Variants in DOCK5 observed in about 807,000 individuals in gnomAD.
DOCK5 encodes dedicator of cytokinesis 5, also known as dedicator of cytokinesis protein 5.
DOCK5 carries 142 observed loss-of-function variants against 251.8 expected under a neutral mutation model. The observed-to-expected ratio is 0.56, with a 90% CI of 0.49 to 0.65. DOCK5 has a LOEUF of 0.65. DOCK5 is among the 30% of genes least tolerant of loss of function. DOCK5 has a pLI of 0.00. For missense variants in DOCK5, 2,111 were observed against 2,312.3 expected, an observed-to-expected ratio of 0.91 and a Z score of 1.79; for synonymous variants, 842 against 835.5, an observed-to-expected ratio of 1.01 and a Z score of -0.13.
At chr8:25,359,755 T>G (rs561207078) in intron 28 of DOCK5, among the ~76,000 whole-genome samples, 21 of 152,352 alleles carry the variant, frequency 1.4e-4, no homozygotes, top group African/African-American at 5.0e-4. Flanking sequence ...AAAATTGTCT[T>G]TCCTGAAACC....
intron 50 of DOCK5, 95 bp downstream of exon 50, chr8:25,409,035 G>A (rs1014829094): frequency 1.3e-6 from 2 of 1,540,836 alleles, no homozygotes; most frequent in Non-Finnish European, 1.8e-6. Flanking sequence ...CAGAATGTAT[G>A]TAAGACCATT....
chr8:25,265,873 A>G (rs1305174442), intron 2 of DOCK5, among the ~76,000 whole-genome samples: 1 of 151,862 alleles, frequency 6.6e-6, no homozygotes, highest in Non-Finnish European at 1.5e-5. Flanking sequence ...AATAATTTTG[A>G]CAGTGGAATT....
chr8:25,235,362 G>T (rs1002676711), intron 1 of DOCK5, among the ~76,000 whole-genome samples: 1 of 152,112 alleles, frequency 6.6e-6, no homozygotes, highest in African/African-American at 2.4e-5. Flanking sequence ...CTGGGCTCAA[G>T]CGATCCTCCC....
At chr8:25,379,130 C>T (rs754696899) in intron 38 of DOCK5, among the ~76,000 whole-genome samples, 5 of 152,108 alleles carry the variant, frequency 3.3e-5, no homozygotes, top group South Asian at 4.1e-4. Flanking sequence ...CAGCGGTGCA[C>T]GTATAGTCTT....
chr8:25,283,562 G>A (rs1157431651), intron 5 of DOCK5, among the ~76,000 whole-genome samples: 1 of 152,178 alleles, frequency 6.6e-6, no homozygotes, highest in Non-Finnish European at 1.5e-5. Flanking sequence ...TGCTTTTGAT[G>A]TTATCTTAGC....
chr8:25,205,594 AT>A (rs1380171766), intron 1 of DOCK5, among the ~76,000 whole-genome samples: 4 of 152,196 alleles, frequency 2.6e-5, no homozygotes, highest in African/African-American at 9.6e-5. Flanking sequence ...AGGGATTTGA[AT>A]CTAGTGAAAG....
At chr8:25,338,486 G>T (rs970148949) in intron 22 of DOCK5, among the ~76,000 whole-genome samples, 21 of 151,804 alleles carry the variant, frequency 1.4e-4, no homozygotes, top group African/African-American at 5.1e-4. Context: ...ATTTTTAAAT[G>T]AATATGTACC....
Position 25,196,117 on chromosome 8 carries a change from G to T in DOCK5, c.43+11166G>T, listed in dbSNP as rs200995339. ...GCAAAAGATTACGTGAATCCTGTGG[G>T]GTGGGTGAGGACTTAGAATCATAAA... On this transcript the variant is annotated intron_variant, in intron 1 of 51. Transcript: ENST00000276440. Among the ~76,000 whole-genome samples the T allele has an allele frequency of 9.2e-5, 14 of 152,334 alleles. No homozygotes were observed. In the East Asian group the frequency reaches 2.7e-3, roughly 29 times the overall value.
At chr8:25,207,711 G>A (rs571344654) in intron 1 of DOCK5, among the ~76,000 whole-genome samples, 1 of 152,322 alleles carries the variant, frequency 6.6e-6, no homozygotes, top group East Asian at 1.9e-4. Flanking sequence ...CATTGACAAT[G>A]CACCAGGTCA....
intron 4 of DOCK5, among the ~76,000 whole-genome samples, chr8:25,278,132 G>T (rs913833491): frequency 2.0e-5 from 3 of 152,092 alleles, no homozygotes; most frequent in African/African-American, 7.2e-5. Context: ...CCTGGCCTCT[G>T]CCCCAACCAG....
Position 25,210,072 on chromosome 8 carries a change from CTGTCTATT to C in DOCK5, c.43+25123_43+25130del, listed in dbSNP as rs1193043187. Among the ~76,000 whole-genome samples the C allele has an allele frequency of 9.6e-5, 2 of 20,730 alleles. 1 individual carries two copies. The highest frequency in any genetic ancestry group is 1.4e-3 in the Admixed American group (2 of 1,476). 13.6% of individuals were successfully genotyped at this position (20,730 alleles called of 152,430 possible). On this transcript the variant is annotated intron_variant, in intron 1 of 51. Transcript: ENST00000276440. ...TGTGTGTGTGTGTGTGTGTGTGTAT[CTGTCTATT>C]TATCTATCTATCTATCTATCTATCT...
chr8:25,238,588 C>A (rs1563319955), intron 1 of DOCK5, among the ~76,000 whole-genome samples: 1 of 152,178 alleles, frequency 6.6e-6, no homozygotes, highest in Non-Finnish European at 1.5e-5. Context: ...GTGCTTCTAA[C>A]ATGAATCTCT....
intron 11 of DOCK5, among the ~76,000 whole-genome samples, chr8:25,307,905 G>C (rs945861643): frequency 6.6e-6 from 1 of 152,178 alleles, no homozygotes; most frequent in Non-Finnish European, 1.5e-5. Context: ...TTTTCCAGTA[G>C]GAGAGTGTTG....
chr8:25,394,943 G>A (rs7836337), intron 44 of DOCK5, among the ~76,000 whole-genome samples: 1 of 151,468 alleles, frequency 6.6e-6, no homozygotes, highest in African/African-American at 2.4e-5. Context: ...GTGGGAAGGT[G>A]GGGGGTGTTG....
chr8:25,407,585 G>A (rs888589996), intron 48 of DOCK5, among the ~76,000 whole-genome samples: 1 of 152,130 alleles, frequency 6.6e-6, no homozygotes, highest in African/African-American at 2.4e-5. Context: ...AGAGTAGGTT[G>A]AGGAGGCCGG....
intron 1 of DOCK5, among the ~76,000 whole-genome samples, chr8:25,191,336 A>T (rs1422180695): frequency 6.6e-6 from 1 of 152,202 alleles, no homozygotes; most frequent in Admixed American, 6.5e-5. Flanking sequence ...GCCTATAGTG[A>T]AGTCAGACAT....
At chr8:25,368,161 T>G in intron 31 of DOCK5, 31 bp from the exon 32 acceptor site, 1 of 1,560,548 alleles carries the variant, frequency 6.4e-7, no homozygotes. Flanking sequence ...CTACTGAAAA[T>G]CCTCCTTCTA....
At chr8:25,188,717 G>A (rs1801494795) in intron 1 of DOCK5, among the ~76,000 whole-genome samples, 1 of 152,174 alleles carries the variant, frequency 6.6e-6, no homozygotes, top group Non-Finnish European at 1.5e-5. Context: ...TGATCTATTT[G>A]ATTCTTTAAA....
intron 36 of DOCK5, 24 bp from the exon 37 acceptor site, chr8:25,374,540 G>T (rs904357890): frequency 6.3e-7 from 1 of 1,586,638 alleles, no homozygotes; most frequent in East Asian, 2.2e-5. Context: ...GTGACAAAAT[G>T]CTTCCTTCTC....
Sources: gnomAD v4.1 joint callset for allele counts (sites outside exome capture counted in the v4.1 genomes callset) on GRCh38, gnomAD v4.1.1 for gene constraint, MANE v1.5 for transcripts, NCBI Gene and HGNC (gene_info 2026-07-23, HGNC 2026-07-21) for gene names.